CWC27: variants seen among roughly 807,000 people sequenced by gnomAD.
The protein encoded by CWC27 is spliceosome-associated protein CWC27 homolog.
CWC27 carries 47 observed loss-of-function variants against 63.6 expected under a neutral mutation model. The ratio of observed to expected loss-of-function variants is 0.74; its 90% CI spans 0.58 to 0.94. CWC27 has a LOEUF of 0.94. Ranked by LOEUF, CWC27 falls within the 40% of genes least tolerant of loss-of-function variation. CWC27 has a pLI of 0.00. For missense variants in CWC27, 495 were observed against 554.3 expected (o/e 0.89, Z 1.07); for synonymous variants, 175 against 179.8 (o/e 0.97, Z 0.22).
At chr5:64,905,200 CAAAAA>C (rs71608574) in intron 11 of CWC27, among the ~76,000 whole-genome samples, 7 of 55,556 alleles carry the variant, frequency 1.3e-4, no homozygotes, top group African/African-American at 4.7e-4. Flanking sequence ...CACTACATCT[CAAAAA>C]AAAAAAAAAA....
chr5:64,929,623 C>T (rs1748196418), intron 11 of CWC27, among the ~76,000 whole-genome samples: 1 of 152,116 alleles, frequency 6.6e-6, no homozygotes, highest in African/African-American at 2.4e-5. Context: ...GCATCATTAG[C>T]GATCAGGGAA....
At chr5:64,952,807 T>G (rs1174062368) in intron 11 of CWC27, among the ~76,000 whole-genome samples, 1 of 152,132 alleles carries the variant, frequency 6.6e-6, no homozygotes, top group East Asian at 1.9e-4. Context: ...TCCTTTCAGA[T>G]AGTCTCAACC....
chr5:64,930,971 A>G (rs1246493470), intron 11 of CWC27, among the ~76,000 whole-genome samples: 1 of 152,142 alleles, frequency 6.6e-6, no homozygotes, highest in Non-Finnish European at 1.5e-5. Context: ...GTTGTGAAAT[A>G]AAAAGAAAGG....
At chr5:64,873,053 A>T (rs141543502) in intron 10 of CWC27, among the ~76,000 whole-genome samples, 198 of 152,342 alleles carry the variant, frequency 1.3e-3, no homozygotes, top group African/African-American at 4.5e-3. Context: ...CCTACTCAGT[A>T]TAAAAAATTA....
At chr5:64,945,626 G>A (rs1748577593) in intron 11 of CWC27, among the ~76,000 whole-genome samples, 1 of 152,148 alleles carries the variant, frequency 6.6e-6, no homozygotes, top group Admixed American at 6.5e-5. Context: ...AGGATAACAG[G>A]TATTTTGCAC....
Position 65,018,304 on chromosome 5 carries a change from A to G in CWC27, c.1402A>G (p.Lys468Glu), listed in dbSNP as rs1365752879. 1 of 1,593,784 alleles carries G rather than the reference A, an allele frequency of 6.3e-7. No homozygotes were observed. The highest frequency in any genetic ancestry group is 8.5e-7 in the Non-Finnish European group (1 of 1,174,764). The part of the protein sequence containing the change: ...REESKKLMRE[K>E]KERR ...AGAAAGCAAAAAGCTGATGAGAGAG[A>G]AAAAAGAAAGAAGATAAAATGAGAA... Residue 468 changes from lysine (K) to glutamate (E), a missense_variant, in exon 14 of 14, where the codon AAA becomes GAA. By Grantham distance (56) the Lys-to-Glu change is moderately conservative. Around this residue, in one of 3 missense-constraint regions of CWC27, gnomAD observed 20 missense variants for 22.1 expected, o/e 0.91. Coordinates refer to ENST00000381070, the MANE Select transcript of CWC27 (RefSeq NM_005869.4).
At chr5:64,826,900 T>C (rs530757209) in intron 10 of CWC27, among the ~76,000 whole-genome samples, 74 of 152,202 alleles carry the variant, frequency 4.9e-4, no homozygotes, top group African/African-American at 1.8e-3. Flanking sequence ...GTGTGGCAAT[T>C]TTGTTGTCTC....
intron 13 of CWC27, among the ~76,000 whole-genome samples, chr5:64,987,080 T>G (rs1166443970): frequency 6.6e-6 from 1 of 151,906 alleles, no homozygotes; most frequent in African/African-American, 2.4e-5. Flanking sequence ...TATTTTTTAT[T>G]TTTTTATTAT....
chr5:64,990,267 T>TTTTTTTTTTTTTTTTTTTTTG (rs1561181450), intron 13 of CWC27, among the ~76,000 whole-genome samples: 4 of 18,720 alleles, frequency 2.1e-4, no homozygotes, highest in Admixed American at 9.3e-4. Context: ...TTTTTTTTTG[T>TTTTTTTTTTTTTTTTTTTTTG]TTTTTTTTTT....
intron 10 of CWC27, among the ~76,000 whole-genome samples, chr5:64,884,669 T>C (rs2112342204): frequency 1.3e-5 from 2 of 152,288 alleles, no homozygotes; most frequent in Middle Eastern, 6.8e-3. Context: ...AGATAATATA[T>C]GCACAGTCTT....
chr5:64,871,955 G>T (rs1746685603), intron 10 of CWC27, among the ~76,000 whole-genome samples: 1 of 152,124 alleles, frequency 6.6e-6, no homozygotes, highest in South Asian at 2.1e-4. Context: ...AGTGAGGAAA[G>T]AGCCTGGATT....
intron 11 of CWC27, among the ~76,000 whole-genome samples, chr5:64,916,065 A>G (rs1412473817): frequency 1.3e-5 from 2 of 152,226 alleles, no homozygotes; most frequent in Non-Finnish European, 2.9e-5. Context: ...CCATTTTCTT[A>G]TACCTTTGGC....
chr5:64,890,916 A>G (rs1359440775), intron 11 of CWC27, among the ~76,000 whole-genome samples: 2 of 152,196 alleles, frequency 1.3e-5, no homozygotes, highest in South Asian at 2.1e-4. Flanking sequence ...CCAGTATTTT[A>G]TTGGGCTAAC....
At chr5:64,947,001 T>C (rs1748603998) in intron 11 of CWC27, among the ~76,000 whole-genome samples, 1 of 152,162 alleles carries the variant, frequency 6.6e-6, no homozygotes, top group African/African-American at 2.4e-5. Flanking sequence ...ATTTCTCATC[T>C]GTCTCTGAGC....
At position 64,804,264 on chromosome 5, in the gene CWC27, T is replaced by C. The variant is rs771390228; in HGVS notation, c.816T>C (p.Tyr272=). ...GEDESAEHDE[Y]IDGDEKNLMR... ...ATGAAAGTGCAGAGCATGATGAATA[T>C]ATTGATGGTGATGAAAAGAACCTGA... Residue 272 remains tyrosine (Y), a synonymous_variant, in exon 10 of 14, where the codon TAT becomes TAC. Coordinates refer to ENST00000381070, the MANE Select transcript of CWC27 (RefSeq NM_005869.4). The C allele has an allele frequency of 7.4e-5, 119 of 1,612,838 alleles. No individual in the cohort carries two copies. The highest frequency in any genetic ancestry group is 1.0e-4 in the Non-Finnish European group (118 of 1,179,466).
In CWC27 at chr5:64,840,375, AAAAAAAAAAAAAAAAAAAAATATAT is replaced by A. The variant is rs1323789927; in HGVS notation, c.938+35991_938+36015del. Among the ~76,000 whole-genome samples, 242 of 60,112 alleles carry A rather than the reference AAAAAAAAAAAAAAAAAAAAATATAT, an allele frequency of 4.0e-3. 5 individuals are homozygous for A. The highest frequency in any genetic ancestry group is 7.5e-3 in the East Asian group (16 of 2,144). The allele number at this position is 60,112 out of a possible 152,430, so 39.4% of individuals were successfully genotyped here. ...ATCCTTTTTCATTAAAAAAAAAAAAAAAAAAAAAAAAAAAAAAAAATATATATATATATATATATATATATATATA... is the reference window on the plus strand; with the variant it reads ...ATCCTTTTTCATTAAAAAAAAAAAAAATATATATATATATATATATATATA... On this transcript the variant is annotated intron_variant, in intron 10 of 13. Coordinates refer to ENST00000381070, the MANE Select transcript of CWC27 (RefSeq NM_005869.4).
At chr5:64,885,719 G>GTGTGTGTGTA (rs1747057786) in intron 11 of CWC27, among the ~76,000 whole-genome samples, 173 bp downstream of exon 11, 1 of 149,382 alleles carries the variant, frequency 6.7e-6, no homozygotes, top group African/African-American at 2.5e-5. Context: ...GTGTGTGTGT[G>GTGTGTGTGTA]TGTGTGTGTG....
At chr5:64,868,645 C>T (rs147057134) in intron 10 of CWC27, among the ~76,000 whole-genome samples, 4 of 152,118 alleles carry the variant, frequency 2.6e-5, no homozygotes, top group East Asian at 3.9e-4. Context: ...TATCAGCTAA[C>T]GTTTTGGAAT....
At chr5:64,917,619 T>A (rs1351348221) in intron 11 of CWC27, among the ~76,000 whole-genome samples, 1 of 149,294 alleles carries the variant, frequency 6.7e-6, no homozygotes, top group Non-Finnish European at 1.5e-5. Context: ...GTGGCCCTCA[T>A]CCAATCAATT....
Sources: gnomAD v4.1 joint callset for allele counts (sites outside exome capture counted in the v4.1 genomes callset) on GRCh38, gnomAD v4.1.1 for gene constraint, gnomAD v4.1.1 regional missense constraint, MANE v1.5 for transcripts, NCBI Gene and HGNC (gene_info 2026-07-23, HGNC 2026-07-21) for gene names.